Variants in MYZAP observed in about 807,000 individuals in gnomAD.
MYZAP encodes the protein myocardial zonula adherens protein, also known as GRINL1A complex locus upstream.
MYZAP carries 66 observed loss-of-function variants against 69.4 expected under a neutral mutation model. That is an observed-to-expected ratio of 0.95 (90% CI 0.78 to 1.17). The LOEUF (loss-of-function observed/expected upper bound fraction) is 1.17. MYZAP is among the 50% of genes most tolerant of loss of function. MYZAP has a pLI of 0.00. For synonymous variants in MYZAP, 256 were observed against 205.9 expected (o/e 1.24, Z -2.09); for missense variants, 611 against 556.2 (o/e 1.10, Z -0.99).
chr15:57,622,067 G>A (rs1474901160), intron 4 of MYZAP, among the ~76,000 whole-genome samples: 1 of 152,134 alleles, frequency 6.6e-6, no homozygotes, highest in South Asian at 2.1e-4. Flanking sequence ...CAAACTATAT[G>A]ATTGTATACC....
intron 1 of MYZAP, among the ~76,000 whole-genome samples, chr15:57,596,287 C>T (rs2034052945): frequency 6.6e-6 from 1 of 152,190 alleles, no homozygotes; most frequent in Non-Finnish European, 1.5e-5. Context: ...GACCTGGAGG[C>T]TGGTGTCACT....
In MYZAP at chr15:57,621,623, GA is replaced by G. The variant is rs1298019435; in HGVS notation, c.338del (p.Lys113ArgfsTer2). 5 of 1,613,568 alleles carry G rather than the reference GA, an allele frequency of 3.1e-6. No individual in the cohort carries two copies. Among genetic ancestry groups the G allele is most frequent in the Non-Finnish European group, 4.2e-6 (5 of 1,179,746 alleles). ...TGGGCTACAGGTGAGAGCCACTTTG[GA>G]AAAGGTGAGAAAGCGAATGTATGGA... ...NYIKDVRATL[E>X]KVRKRMYGDY... On this transcript the variant is annotated frameshift_variant, in exon 4 of 13. Transcript: ENST00000267853. LOFTEE classifies it high-confidence loss of function.
chr15:57,637,811 G>C (rs1408816241), intron 9 of MYZAP, 37 bp downstream of exon 9: 2 of 1,578,378 alleles, frequency 1.3e-6, no homozygotes, highest in Non-Finnish European at 1.7e-6. Flanking sequence ...AATGGATTTA[G>C]GTTGTGGACA....
intron 1 of MYZAP, among the ~76,000 whole-genome samples, chr15:57,598,890 A>G (rs551104117): frequency 5.3e-5 from 8 of 152,246 alleles, no homozygotes; most frequent in African/African-American, 1.9e-4. Context: ...ACTGACCTGT[A>G]AAGTCCTTTC....
chr15:57,674,865 C>G (rs2039038443), intron 11 of MYZAP, 103 bp from the exon 12 acceptor site: 1 of 969,870 alleles, frequency 1.0e-6, no homozygotes, highest in African/African-American at 1.6e-5. Context: ...GATAGTTGCC[C>G]ATGTCATGGG....
At chr15:57,636,077 A>G (rs768409317) in intron 8 of MYZAP, among the ~76,000 whole-genome samples, 1 of 152,218 alleles carries the variant, frequency 6.6e-6, no homozygotes, top group Non-Finnish European at 1.5e-5. Context: ...ACAAATTTTA[A>G]AAGTGTGCTG....
At chr15:57,672,934 T>C (rs1185467806) in intron 11 of MYZAP, among the ~76,000 whole-genome samples, 1 of 152,196 alleles carries the variant, frequency 6.6e-6, no homozygotes, top group Non-Finnish European at 1.5e-5. Flanking sequence ...CGTTCTATTA[T>C]TTGCTGCTCA....
intron 2 of MYZAP, among the ~76,000 whole-genome samples, chr15:57,616,917 T>C (rs184216086): frequency 6.8e-6 from 1 of 146,964 alleles, no homozygotes; most frequent in East Asian, 2.1e-4. Flanking sequence ...ATTACCTTTA[T>C]GGAATTTGGG....
intron 1 of MYZAP, among the ~76,000 whole-genome samples, chr15:57,594,018 A>G (rs2033894824): frequency 6.6e-6 from 1 of 152,206 alleles, no homozygotes; most frequent in Non-Finnish European, 1.5e-5. Flanking sequence ...ACTAACATCA[A>G]ACAAAGTGGT....
In MYZAP at chr15:57,663,389, C is replaced by T. The variant is rs543914570; in HGVS notation, c.1203+1856C>T. Among the ~76,000 whole-genome samples the T allele has an allele frequency of 2.6e-5, 4 of 152,282 alleles. No homozygotes were observed. The East Asian group carries it at 7.7e-4, about 29-fold the overall frequency. ...GCTCCAGCCCTTGAAATGTGGAGTC[C>T]AGATAGTTTATCTGGGAGGCGATCT... is the stretch of plus-strand genomic sequence containing the variant. On this transcript the variant is annotated intron_variant, in intron 11 of 12. Coordinates refer to ENST00000267853, the MANE Select transcript of MYZAP (RefSeq NM_001018100.5).
At chr15:57,683,377 G>T (rs1291303397) in intron 12 of MYZAP, among the ~76,000 whole-genome samples, 10 of 152,290 alleles carry the variant, frequency 6.6e-5, no homozygotes, top group Admixed American at 3.3e-4. Context: ...GCAGAGTAGG[G>T]CTGAATGGCA....
chr15:57,653,783 T>C (rs1595913900), intron 10 of MYZAP, among the ~76,000 whole-genome samples: 1 of 151,986 alleles, frequency 6.6e-6, no homozygotes, highest in East Asian at 1.9e-4. Context: ...GGCAAGAGGA[T>C]TGCTTGAGGC....
intron 1 of MYZAP, among the ~76,000 whole-genome samples, chr15:57,601,639 G>A (rs2034419526): frequency 6.6e-6 from 1 of 152,140 alleles, no homozygotes; most frequent in African/African-American, 2.4e-5. Flanking sequence ...CCCCACAAGA[G>A]GCAATGATAG....
intron 6 of MYZAP, among the ~76,000 whole-genome samples, chr15:57,630,446 A>G (rs1364780265): frequency 3.9e-5 from 6 of 151,984 alleles, no homozygotes; most frequent in African/African-American, 7.3e-5. Context: ...CACTGTTTAG[A>G]TTTTCTTTGA....
At chr15:57,657,888 C>G (rs1310862720) in intron 10 of MYZAP, among the ~76,000 whole-genome samples, 1 of 152,112 alleles carries the variant, frequency 6.6e-6, no homozygotes, top group East Asian at 1.9e-4. Flanking sequence ...GAGGAGCTGC[C>G]CCTCCCAGTC....
intron 4 of MYZAP, among the ~76,000 whole-genome samples, chr15:57,624,391 C>G (rs1159445277): frequency 6.6e-6 from 1 of 152,070 alleles, no homozygotes; most frequent in Non-Finnish European, 1.5e-5. Flanking sequence ...TATCTCCCTA[C>G]CCCATTTCTT....
intron 5 of MYZAP, among the ~76,000 whole-genome samples, chr15:57,626,261 A>C (rs1248753829): frequency 6.6e-6 from 1 of 152,190 alleles, no homozygotes; most frequent in Non-Finnish European, 1.5e-5. Context: ...AGAATAACAC[A>C]GACTTCACTA....
intron 1 of MYZAP, chr15:57,599,477 G>A: frequency 8.4e-7 from 1 of 1,187,374 alleles, no homozygotes; most frequent in Non-Finnish European, 1.1e-6. Flanking sequence ...TCTCCTGGAA[G>A]GAACCCTTGC....
chr15:57,674,535 T>C (rs1239391697), intron 11 of MYZAP, among the ~76,000 whole-genome samples: 1 of 152,216 alleles, frequency 6.6e-6, no homozygotes, highest in Non-Finnish European at 1.5e-5. Context: ...ACCTTATTTA[T>C]AATGGCAAAA....
Sources: allele counts gnomAD v4.1 joint callset (sites outside exome capture counted in the v4.1 genomes callset), GRCh38; gene constraint gnomAD v4.1.1; transcripts MANE v1.5; gene names NCBI Gene and HGNC (gene_info 2026-07-23, HGNC 2026-07-21).